The following GNB1L variants were observed in gnomAD, a reference collection of about 807,000 sequenced individuals.
The protein encoded by GNB1L is guanine nucleotide-binding protein subunit beta-like protein 1.
In GNB1L, 20 loss-of-function variants were observed where a neutral mutation model predicts 29.1. That is an observed-to-expected ratio of 0.69 (90% CI 0.48 to 1.00). GNB1L has a LOEUF of 1.00. Among genes scored for constraint, GNB1L ranks in the 50% least tolerant of loss-of-function variants. GNB1L has a pLI of 0.00. For synonymous variants in GNB1L, 193 were observed against 206.5 expected (o/e 0.93, Z 0.56); for missense variants, 421 against 464.9 (o/e 0.91, Z 0.87).
At chr22:19,801,095 C>T (rs145736946) in intron 7 of GNB1L, among the ~76,000 whole-genome samples, 2,222 of 152,340 alleles carry the variant, frequency 0.015, 25 homozygotes, top group Middle Eastern at 0.051. Context: ...CGGGCCCTGT[C>T]CTTGGTGAGG....
chr22:19,847,113 G>A (rs1297782352), intron 2 of GNB1L: 1 of 985,318 alleles, frequency 1.0e-6, no homozygotes, highest in Non-Finnish European at 1.2e-6. Flanking sequence ...TGGAAGTGGG[G>A]TGACACACAT....
chr22:19,840,863 A>T (rs1937848968), intron 2 of GNB1L, among the ~76,000 whole-genome samples: 1 of 152,220 alleles, frequency 6.6e-6, no homozygotes, highest in Admixed American at 6.5e-5. Flanking sequence ...ATGGCATTCA[A>T]CCTTTGTGCT....
At chr22:19,812,164 C>T in intron 5 of GNB1L, 121 bp downstream of exon 5, 1 of 1,058,384 alleles carries the variant, frequency 9.4e-7, no homozygotes, top group Admixed American at 2.8e-5. Flanking sequence ...GCTGCTGAAG[C>T]TGCCGGCAGG....
chr22:19,792,817 G>T lies in GNB1L; in HGVS notation c.733-3857C>A, dbSNP rs564639809. On this transcript the variant is annotated intron_variant, in intron 7 of 7. Transcript: ENST00000329517. ...GTTGTCTTCTTGCCTGCCTTGTGTCGTAAAATGGGGGTCCCTTACTGCATT... is the reference window on the plus strand; with the variant it reads ...GTTGTCTTCTTGCCTGCCTTGTGTCTTAAAATGGGGGTCCCTTACTGCATT... The T allele has an allele frequency of 3.9e-6, 5 of 1,291,106 alleles. No homozygotes were observed. The South Asian group carries it at 6.1e-5, about 16-fold the overall frequency. The allele number at this position is 1,291,106 out of a possible 1,614,324, so 80.0% of individuals were successfully genotyped here.
chr22:19,851,263 C>T, intron 2 of GNB1L: 1 of 1,610,516 alleles, frequency 6.2e-7, no homozygotes, highest in Non-Finnish European at 8.5e-7. Flanking sequence ...CTCCCTCTGT[C>T]TCCAAAACCT....
At chr22:19,831,702 T>A (rs1215329220) in intron 2 of GNB1L, among the ~76,000 whole-genome samples, 19 of 148,582 alleles carry the variant, frequency 1.3e-4, no homozygotes, top group African/African-American at 3.5e-4. Flanking sequence ...AAAAAAAAAA[T>A]AAAAGAAATA....
chr22:19,804,977 G>A (rs1317074845), intron 6 of GNB1L, among the ~76,000 whole-genome samples: 1 of 152,236 alleles, frequency 6.6e-6, no homozygotes, highest in Admixed American at 6.5e-5. Flanking sequence ...GCCTTGGGGG[G>A]CGTTTTTCCT....
intron 2 of GNB1L, among the ~76,000 whole-genome samples, chr22:19,826,609 C>CTTTT (rs1937621342): frequency 6.6e-6 from 1 of 152,188 alleles, no homozygotes; most frequent in Non-Finnish European, 1.5e-5. Context: ...AAGGATCCAA[C>CTTTT]TTGGTGAGAG....
At chr22:19,793,938 G>T (rs907713017) in intron 7 of GNB1L, among the ~76,000 whole-genome samples, 1 of 152,202 alleles carries the variant, frequency 6.6e-6, no homozygotes, top group Non-Finnish European at 1.5e-5. Context: ...TGGCAAAGGG[G>T]TGAGTAAATG....
At chr22:19,840,047 C>G (rs530279654) in intron 2 of GNB1L, among the ~76,000 whole-genome samples, 2 of 146,646 alleles carry the variant, frequency 1.4e-5, no homozygotes, top group East Asian at 4.0e-4. Context: ...CTAGGCAACA[C>G]AGCAAGATCT....
rs1228922725 is a variant in GNB1L, at chr22:19,787,041, C to G, written c.*1668G>C. ...CGCTTTCCCGGCCAGCACTGACATTCCCGTTTGATGGAACGGTCCCCATGG... is the reference window on the plus strand; with the variant it reads ...CGCTTTCCCGGCCAGCACTGACATTGCCGTTTGATGGAACGGTCCCCATGG... On this transcript the variant is annotated 3_prime_UTR_variant, in exon 8 of 8. Coordinates refer to ENST00000329517, the MANE Select transcript of GNB1L (RefSeq NM_053004.3). The G allele has an allele frequency of 6.6e-6, 1 of 152,296 alleles. No homozygotes were observed. The highest frequency in any genetic ancestry group is 1.9e-4 in the East Asian group (1 of 5,192). 9.4% of individuals were successfully genotyped at this position (152,296 alleles called of 1,614,324 possible).
At chr22:19,803,884 T>C (rs959735189) in intron 6 of GNB1L, among the ~76,000 whole-genome samples, 23 of 152,344 alleles carry the variant, frequency 1.5e-4, no homozygotes, top group African/African-American at 5.5e-4. Context: ...GGCACTTTCC[T>C]CCACTGCAGG....
At chr22:19,803,697 G>A (rs1050003101) in intron 6 of GNB1L, among the ~76,000 whole-genome samples, 4 of 152,184 alleles carry the variant, frequency 2.6e-5, no homozygotes, top group East Asian at 1.9e-4. Flanking sequence ...TAAGTGGTGC[G>A]TCTGAACTCA....
intron 2 of GNB1L, chr22:19,846,470 G>A (rs1937963259): frequency 2.0e-6 from 2 of 985,200 alleles, no homozygotes; most frequent in Non-Finnish European, 2.4e-6. Flanking sequence ...CCCAGGGCCT[G>A]GGGGACTCTG....
chr22:19,832,583 C>T (rs77596015), intron 2 of GNB1L, among the ~76,000 whole-genome samples: 24 of 152,292 alleles, frequency 1.6e-4, no homozygotes, highest in African/African-American at 5.1e-4. Context: ...AGGTGCGCTA[C>T]GGCCCCAAGA....
At chr22:19,802,334 C>T (rs1937384514) in intron 6 of GNB1L, 118 bp from the exon 7 acceptor site, 2 of 770,512 alleles carry the variant, frequency 2.6e-6, no homozygotes, top group Non-Finnish European at 4.2e-6. Flanking sequence ...TTTCCCATGT[C>T]TTCCACGTGG....
In GNB1L at chr22:19,821,240, A is replaced by T; in HGVS notation, c.116T>A (p.Leu39His). Residue 39 changes from leucine (L) to histidine (H), a missense_variant, in exon 3 of 8, where the codon CTC becomes CAC. Physicochemically the swap from Leu to His is moderately conservative, Grantham distance 99. Transcript: ENST00000329517. ...CEGAQAQGRP[L>H]LFSGSQSGLV... The stretch of plus-strand genomic sequence containing the variant: ...CACAGCTACTCACCCTGAGAAGAGG[A>T]GCGGGCGCCCCTGAGCCTGGGCTCC... 1 of 1,611,204 alleles carries T rather than the reference A, an allele frequency of 6.2e-7. No homozygotes were observed. The highest frequency in any genetic ancestry group is 8.5e-7 in the Non-Finnish European group (1 of 1,178,534).
At chr22:19,853,504 T>C (rs951764870) in intron 2 of GNB1L, among the ~76,000 whole-genome samples, 1 of 152,148 alleles carries the variant, frequency 6.6e-6, no homozygotes, top group Non-Finnish European at 1.5e-5. Flanking sequence ...GGAAACTCTC[T>C]GCTTCACCCC....
At chr22:19,820,258 G>A (rs895435451) in intron 4 of GNB1L, among the ~76,000 whole-genome samples, 1 of 152,086 alleles carries the variant, frequency 6.6e-6, no homozygotes, top group Non-Finnish European at 1.5e-5. Context: ...CCCAAGCCAC[G>A]ACCCAGTGCC....
Sources: gnomAD v4.1 joint callset for allele counts (sites outside exome capture counted in the v4.1 genomes callset) on GRCh38, gnomAD v4.1.1 for gene constraint, MANE v1.5 for transcripts, NCBI Gene and HGNC (gene_info 2026-07-23, HGNC 2026-07-21) for gene names.